Variants in EPM2A observed in about 807,000 individuals in gnomAD.
The protein encoded by EPM2A is EPM2A glucan phosphatase, laforin.
Under a neutral mutation model 26.5 loss-of-function variants are expected in EPM2A, and 21 were observed. The ratio of observed to expected loss-of-function variants is 0.79; its 90% CI spans 0.56 to 1.14. The LOEUF (loss-of-function observed/expected upper bound fraction) is 1.14. Ranked by LOEUF, EPM2A falls within the 50% of genes most tolerant of loss-of-function variation. EPM2A has a pLI of 0.00. For missense variants in EPM2A, 458 were observed against 440.8 expected, an observed-to-expected ratio of 1.04 and a Z score of -0.35; for synonymous variants, 217 against 177.6, an observed-to-expected ratio of 1.22 and a Z score of -1.76.
chr6:145,617,818 G>A (rs550381051), intron 2 of EPM2A, among the ~76,000 whole-genome samples: 1 of 152,054 alleles, frequency 6.6e-6, no homozygotes, highest in Non-Finnish European at 1.5e-5. Flanking sequence ...GGCAAACACC[G>A]GTAGTCCCAG....
rs566708265 is a variant in EPM2A at position 145,718,404 on chromosome 6, C to A, written c.301+16794G>T. On this transcript the variant is annotated intron_variant, in intron 1 of 3. Coordinates refer to ENST00000367519, the MANE Select transcript of EPM2A (RefSeq NM_005670.4). ...TATTTAATAAATGGTGCTGGGAAAA[C>A]TGGCTAGCCATATGTAGAAAGCTGA... Among the ~76,000 whole-genome samples the A allele has an allele frequency of 2.0e-3, 303 of 150,816 alleles. 1 individual carries two copies. The highest frequency in any genetic ancestry group is 6.9e-3 in the African/African-American group (283 of 40,908).
intron 2 of EPM2A, among the ~76,000 whole-genome samples, chr6:145,565,188 T>C (rs540205087): frequency 6.6e-6 from 1 of 152,010 alleles, no homozygotes; most frequent in African/African-American, 2.4e-5. Flanking sequence ...TCTATTAGCA[T>C]GCCCATTCCA....
At chr6:145,676,951 C>G (rs1780092655) in intron 2 of EPM2A, among the ~76,000 whole-genome samples, 1 of 152,104 alleles carries the variant, frequency 6.6e-6, no homozygotes, top group Non-Finnish European at 1.5e-5. Context: ...CATCCTGATA[C>G]CAAAGCCTGG....
At chr6:145,421,344 CTT>C (rs1227649588) in intron 4 of EPM2A, among the ~76,000 whole-genome samples, 2 of 151,994 alleles carry the variant, frequency 1.3e-5, no homozygotes, top group Non-Finnish European at 2.9e-5. Context: ...GAATAACAGA[CTT>C]TTTTTCATGG....
In EPM2A at chr6:145,388,976, G is replaced by A. The variant is rs1221354783; in HGVS notation, c.556-4879C>T. On this transcript the variant is annotated intron_variant, in intron 4 of 4. Transcript: ENST00000638717. ...GTAAACAGTGCTGCAATAAACATATGTGTGCATGTGTCTTTATAGTAGAAT... is the reference window on the plus strand; with the variant it reads ...GTAAACAGTGCTGCAATAAACATATATGTGCATGTGTCTTTATAGTAGAAT... Among the ~76,000 whole-genome samples the A allele has an allele frequency of 2.6e-5, 4 of 152,030 alleles. No homozygotes were observed. In the East Asian group the frequency reaches 7.7e-4, roughly 29 times the overall value.
intron 2 of EPM2A, among the ~76,000 whole-genome samples, chr6:145,586,051 CA>C (rs1461544371): frequency 2.6e-5 from 4 of 152,154 alleles, no homozygotes; most frequent in African/African-American, 9.7e-5. Flanking sequence ...CTCTTTTGGT[CA>C]ACCTGGGCCC....
rs1583056815 is a variant in EPM2A, at chr6:145,687,656, CTTTGT to C, written c.302-1365_302-1361del. On this transcript the variant is annotated intron_variant, in intron 1 of 3. Coordinates refer to ENST00000367519, the MANE Select transcript of EPM2A (RefSeq NM_005670.4). Reference sequence around the variant, plus strand: ...AAATGTGATTCATTTGTTCTTTTCTCTTTGTTCTGTCTTACAAAATATTTAACCTA... The same window carrying C: ...AAATGTGATTCATTTGTTCTTTTCTCTCTGTCTTACAAAATATTTAACCTA... Among the ~76,000 whole-genome samples the C allele has an allele frequency of 3.3e-5, 5 of 152,150 alleles. No individual in the cohort carries two copies. The East Asian group carries it at 7.7e-4, about 24-fold the overall frequency.
At chr6:145,412,398 T>C (rs1325626947) in intron 4 of EPM2A, among the ~76,000 whole-genome samples, 2 of 152,134 alleles carry the variant, frequency 1.3e-5, no homozygotes, top group African/African-American at 2.4e-5. Flanking sequence ...CTTTAATAGA[T>C]GGGTCTGAAA....
intron 2 of EPM2A, among the ~76,000 whole-genome samples, chr6:145,665,849 G>T (rs935790858): frequency 3.4e-5 from 5 of 145,404 alleles, no homozygotes; most frequent in African/African-American, 7.8e-5. Context: ...GGGATGCAAG[G>T]CTGGTTCAAT....
At chr6:145,691,599 T>C (rs1781284766) in intron 1 of EPM2A, among the ~76,000 whole-genome samples, 1 of 152,056 alleles carries the variant, frequency 6.6e-6, no homozygotes, top group Admixed American at 6.5e-5. Context: ...TCTACATGTA[T>C]GTAAAGGAAA....
chr6:145,475,518 T>C (rs9497320), intron 4 of EPM2A, among the ~76,000 whole-genome samples: 10,656 of 151,918 alleles, frequency 0.07, 1,098 homozygotes, highest in African/African-American at 0.22. Flanking sequence ...ATGTAGATGA[T>C]GGGTTGATCG....
chr6:145,734,062 A>T lies in EPM2A; in HGVS notation c.301+1136T>A, dbSNP rs186590605. 9.9e-3 allele frequency among the ~76,000 whole-genome samples: 1,501 copies of T among 152,178 alleles called. 10 individuals are homozygous for T. Among genetic ancestry groups the T allele is most frequent in the Admixed American group, 0.017 (263 of 15,276 alleles). On this transcript the variant is annotated intron_variant, in intron 1 of 3. Coordinates refer to ENST00000367519, the MANE Select transcript of EPM2A (RefSeq NM_005670.4). The stretch of plus-strand genomic sequence containing the variant: ...AGTCTTTAATGAAGTGTTAAAAAAA[A>T]TGACTGCATTTTGACCTAATAATTT...
At chr6:145,671,566 C>T (rs989460192) in intron 2 of EPM2A, among the ~76,000 whole-genome samples, 5 of 152,194 alleles carry the variant, frequency 3.3e-5, no homozygotes, top group African/African-American at 1.2e-4. Context: ...GTTCAACCAG[C>T]TCACTTTGCA....
chr6:145,646,483 C>T (rs1008674758), intron 2 of EPM2A, among the ~76,000 whole-genome samples: 1 of 152,038 alleles, frequency 6.6e-6, no homozygotes, highest in Admixed American at 6.6e-5. Context: ...GCCACATACA[C>T]TTTCTTTCAT....
At chr6:145,612,661 T>C (rs905677779) in intron 2 of EPM2A, among the ~76,000 whole-genome samples, 1 of 150,012 alleles carries the variant, frequency 6.7e-6, no homozygotes, top group Admixed American at 6.7e-5. Context: ...TTCTCAATGC[T>C]TATAAAAGCT....
chr6:145,512,573 G>C (rs1467463002), intron 2 of EPM2A, among the ~76,000 whole-genome samples: 3 of 151,642 alleles, frequency 2.0e-5, no homozygotes, highest in Non-Finnish European at 2.9e-5. Context: ...TTAGCCGGCT[G>C]TGGTGGTGGG....
intron 2 of EPM2A, among the ~76,000 whole-genome samples, chr6:145,540,139 A>G (rs366621): frequency 0.46 from 69,946 of 151,998 alleles, 16,093 homozygotes; most frequent in South Asian, 0.59. Context: ...CCATGGCACC[A>G]TGCCCCCTCC....
chr6:145,716,468 G>A (rs1775628545), intron 1 of EPM2A, among the ~76,000 whole-genome samples: 1 of 152,168 alleles, frequency 6.6e-6, no homozygotes. Context: ...GATGTTTTAT[G>A]TTTGACAGAA....
At chr6:145,629,865 T>C (rs549960763) in intron 3 of EPM2A, 1 of 152,380 alleles carries the variant, frequency 6.6e-6, no homozygotes, top group African/African-American at 2.4e-5. Flanking sequence ...TCATTTGCAG[T>C]AGGAGCTGCT....
Sources: allele counts gnomAD v4.1 joint callset (sites outside exome capture counted in the v4.1 genomes callset), GRCh38; gene constraint gnomAD v4.1.1; transcripts MANE v1.5; gene names NCBI Gene and HGNC (gene_info 2026-07-23, HGNC 2026-07-21).